The following RSF1 variants were observed in gnomAD, a reference collection of about 807,000 sequenced individuals.
The protein encoded by RSF1 is remodeling and spacing factor 1, also known as HBV pX-associated protein 8.
In RSF1, 13 loss-of-function variants were observed where a neutral mutation model predicts 145.2. That is an observed-to-expected ratio of 0.09 (90% CI 0.06 to 0.14). The LOEUF is 0.14. Ranked by LOEUF, RSF1 falls within the 10% of genes least tolerant of loss-of-function variation. The probability of loss-of-function intolerance (pLI) is 1.00; values close to 1 mark genes in which losing one functional copy is unlikely to be tolerated. For synonymous variants in RSF1, 577 were observed against 592.6 expected (o/e 0.97, Z 0.38); for missense variants, 1,517 against 1,718.2 (o/e 0.88, Z 2.07).
chr11:77,798,905 T>C (rs1475221727), intron 1 of RSF1, among the ~76,000 whole-genome samples: 1 of 150,078 alleles, frequency 6.7e-6, no homozygotes, highest in African/African-American at 2.5e-5. Flanking sequence ...ATGGCACGTG[T>C]ATACCTATGT....
Position 77,661,722 on chromosome 11 carries a change from T to C in RSF1, c.*5195A>G, listed in dbSNP as rs1959236464. ...CTCCCATCCCTTAAAAGCTGTACAGTTATTTTTTTTAAAAAAAGGTGACTC... is the reference window on the plus strand; with the variant it reads ...CTCCCATCCCTTAAAAGCTGTACAGCTATTTTTTTTAAAAAAAGGTGACTC... On this transcript the variant is annotated 3_prime_UTR_variant, in exon 16 of 16. Transcript: ENST00000308488. 1 of 151,854 alleles carries C rather than the reference T, an allele frequency of 6.6e-6. No homozygotes were observed. Among genetic ancestry groups the C allele is most frequent in the Admixed American group, 6.6e-5 (1 of 15,188 alleles). 9.4% of individuals were successfully genotyped at this position (151,854 alleles called of 1,614,324 possible).
intron 10 of RSF1, 41 bp from the exon 11 acceptor site, chr11:77,683,860 G>C: frequency 1.4e-6 from 2 of 1,449,228 alleles, no homozygotes; most frequent in Non-Finnish European, 1.9e-6. Context: ...TATTCCTTAT[G>C]CAGAACAAAG....
intron 1 of RSF1, among the ~76,000 whole-genome samples, chr11:77,772,528 C>A (rs1948296551): frequency 6.6e-6 from 1 of 151,964 alleles, no homozygotes; most frequent in Non-Finnish European, 1.5e-5. Flanking sequence ...AAAACCTGCA[C>A]TTAATATAAC....
At chr11:77,789,377 T>C (rs552109317) in intron 1 of RSF1, among the ~76,000 whole-genome samples, 1 of 152,264 alleles carries the variant, frequency 6.6e-6, no homozygotes, top group South Asian at 2.1e-4. Flanking sequence ...TAGAGTCCTG[T>C]CCCCAACAGA....
At chr11:77,870,563 T>C in the RSF1 span, among the ~76,000 whole-genome samples, 1 of 151,996 alleles carries the variant, frequency 6.6e-6, no homozygotes, top group African/African-American at 2.4e-5. Context: ...GGTCTTGATC[T>C]CCTGACCTCG....
chr11:77,842,715 A>G, the RSF1 span: 10 of 1,535,296 alleles, frequency 6.5e-6, no homozygotes, highest in African/African-American at 1.4e-4. Context: ...GTGAAAAACT[A>G]TTTCTCTTGT....
chr11:77,840,037 A>G, the RSF1 span, among the ~76,000 whole-genome samples: 2 of 151,984 alleles, frequency 1.3e-5, no homozygotes, highest in East Asian at 3.8e-4. Flanking sequence ...CAAAATAAAG[A>G]CCAGGGTTGA....
the RSF1 span, among the ~76,000 whole-genome samples, chr11:77,848,951 T>A: frequency 6.6e-6 from 1 of 152,076 alleles, no homozygotes; most frequent in Non-Finnish European, 1.5e-5. Context: ...CCACAATGCC[T>A]GGCTAATTTA....
chr11:77,860,672 A>C, the RSF1 span, among the ~76,000 whole-genome samples: 1 of 152,182 alleles, frequency 6.6e-6, no homozygotes, highest in African/African-American at 2.4e-5. Flanking sequence ...CTGTCCCTGA[A>C]CCCTTGGGGT....
At chr11:77,864,570 ACT>A in the RSF1 span, among the ~76,000 whole-genome samples, 1 of 152,258 alleles carries the variant, frequency 6.6e-6, no homozygotes, top group Admixed American at 6.5e-5. Flanking sequence ...CTAGAAATAA[ACT>A]CAGTGAGTCA....
intron 2 of RSF1, among the ~76,000 whole-genome samples, chr11:77,754,551 G>C (rs1327977661): frequency 6.6e-6 from 1 of 151,726 alleles, no homozygotes. Flanking sequence ...AGACCAGCCT[G>C]GGCAACATGG....
rs1377548612 is a variant in RSF1, at chr11:77,725,630, G to C, written c.648C>G (p.Asn216Lys). The C allele has an allele frequency of 2.5e-6, 4 of 1,612,252 alleles. No homozygotes were observed. In the African/African-American group the frequency reaches 5.3e-5, roughly 22 times the overall value. The change falls in exon 5 of 16, where the codon AAC (asparagine) becomes AAG (lysine). Residue 216 changes from asparagine to lysine, a missense_variant. Around this residue, in one of 12 missense-constraint regions of RSF1, gnomAD observed 207 missense variants for 191.4 expected, o/e 1.08. Transcript: ENST00000308488. ...KAQIDPVLLK[N>K]SSQQDNSSRE... The stretch of plus-strand genomic sequence containing the variant: ...GAGAAGAGTTGTCTTGTTGGCTAGA[G>C]TTTTTCAATAGTACAGGATCAATTT...
At chr11:77,725,143 C>G (rs1267051988) in intron 5 of RSF1, among the ~76,000 whole-genome samples, 2 of 152,046 alleles carry the variant, frequency 1.3e-5, no homozygotes, top group African/African-American at 4.8e-5. Flanking sequence ...CAAAAAAGTT[C>G]TGGAGATGGA....
At chr11:77,683,896 T>C in intron 10 of RSF1, 77 bp from the exon 11 acceptor site, 2 of 1,098,376 alleles carry the variant, frequency 1.8e-6, no homozygotes, top group Non-Finnish European at 2.6e-6. Flanking sequence ...AGTTTTGTAA[T>C]CTCCATTTAG....
rs958241338 is a variant in RSF1 at position 77,744,318 on chromosome 11, C to T, written c.372+2718G>A. On this transcript the variant is annotated intron_variant, in intron 3 of 15. Coordinates refer to ENST00000308488, the MANE Select transcript of RSF1 (RefSeq NM_016578.4). ...TGCTGGGATTACAGGCGTGAGCCACCCCGCCTGGCTTATTTATTTTTTAAA... is the reference window on the plus strand; with the variant it reads ...TGCTGGGATTACAGGCGTGAGCCACTCCGCCTGGCTTATTTATTTTTTAAA... Among the ~76,000 whole-genome samples, 5 of 150,272 alleles carry T rather than the reference C, an allele frequency of 3.3e-5. No individual in the cohort carries two copies. The South Asian group carries it at 1.1e-3, about 32-fold the overall frequency.
In RSF1 at chr11:77,807,663, G is replaced by T. The variant is rs79353389; in HGVS notation, c.187+12865C>A. On this transcript the variant is annotated intron_variant, in intron 1 of 15. Coordinates refer to ENST00000308488, the MANE Select transcript of RSF1 (RefSeq NM_016578.4). ...AAATTTGAAGTATTAGGAAAAATAG[G>T]TAAGAACAGACATTCCTGATTACAC... is the stretch of plus-strand genomic sequence containing the variant. 7.6e-3 allele frequency among the ~76,000 whole-genome samples: 1,153 copies of T among 152,250 alleles called. 14 individuals are homozygous for T. The highest frequency in any genetic ancestry group is 0.026 in the African/African-American group (1,085 of 41,542).
rs561412708 is a variant in RSF1, at chr11:77,743,151, G to C, written c.373-2215C>G. Among the ~76,000 whole-genome samples the C allele has an allele frequency of 7.2e-5, 11 of 152,280 alleles. No individual in the cohort carries two copies. The South Asian group carries it at 1.7e-3, about 23-fold the overall frequency. ...TTGTTCTGATTACTATAACTCAGTA[G>C]ATTTTTGAGATCAGGTAGTATGATG... On this transcript the variant is annotated intron_variant, in intron 3 of 15. Transcript: ENST00000308488.
chr11:77,745,958 T>C (rs1183167445), intron 3 of RSF1, among the ~76,000 whole-genome samples: 1 of 152,012 alleles, frequency 6.6e-6, no homozygotes, highest in East Asian at 1.9e-4. Context: ...TTCTTATGTA[T>C]TTACATAATA....
intron 1 of RSF1, among the ~76,000 whole-genome samples, chr11:77,820,263 C>T (rs1292668833): frequency 6.6e-6 from 1 of 152,198 alleles, no homozygotes; most frequent in Non-Finnish European, 1.5e-5. Flanking sequence ...ATGACCCCTC[C>T]CCGCCTCCAG....
Sources: allele counts gnomAD v4.1 joint callset (sites outside exome capture counted in the v4.1 genomes callset), GRCh38; gene constraint gnomAD v4.1.1; regional missense constraint gnomAD v4.1.1; transcripts MANE v1.5; gene names NCBI Gene and HGNC (gene_info 2026-07-23, HGNC 2026-07-21).